TASP1: variants seen among roughly 807,000 people sequenced by gnomAD.
TASP1 encodes taspase 1, also known as threonine aspartase 1.
In TASP1, 16 loss-of-function variants were observed where a neutral mutation model predicts 56.6. The ratio of observed to expected loss-of-function variants is 0.28; its 90% CI spans 0.19 to 0.43. TASP1 has a LOEUF of 0.43. Among genes scored for constraint, TASP1 ranks in the 20% least tolerant of loss-of-function variants. TASP1 has a pLI of 1.00. For synonymous variants in TASP1, 179 were observed against 184.2 expected (o/e 0.97, Z 0.23); for missense variants, 393 against 511.6 (o/e 0.77, Z 2.24).
chr20:13,197,758 A>G, the TASP1 span, among the ~76,000 whole-genome samples: 2 of 152,182 alleles, frequency 1.3e-5, no homozygotes, highest in Non-Finnish European at 2.9e-5. Flanking sequence ...TTTATATTCA[A>G]GGAACAGAGA....
At chr20:13,182,009 T>G in the TASP1 span, among the ~76,000 whole-genome samples, 93,384 of 151,938 alleles carry the variant, frequency 0.61, 28,994 homozygotes, top group South Asian at 0.69. Context: ...GCAAAGAGAT[T>G]AATTCAAGCT....
chr20:13,287,054 C>G, the TASP1 span, among the ~76,000 whole-genome samples: 1 of 151,162 alleles, frequency 6.6e-6, no homozygotes, highest in Non-Finnish European at 1.5e-5. Context: ...ACCCAGTGAC[C>G]TTGAACCAGG....
the TASP1 span, among the ~76,000 whole-genome samples, chr20:13,233,260 T>C: frequency 1.3e-5 from 2 of 152,098 alleles, no homozygotes; most frequent in Non-Finnish European, 2.9e-5. Flanking sequence ...AGTTTATTGC[T>C]GGGAATCTTC....
intron 4 of TASP1, among the ~76,000 whole-genome samples, chr20:13,600,920 C>G (rs2047933546): frequency 6.6e-6 from 1 of 152,072 alleles, no homozygotes; most frequent in African/African-American, 2.4e-5. Flanking sequence ...TACTATTCTC[C>G]AATAAGGTAA....
the TASP1 span, among the ~76,000 whole-genome samples, chr20:13,240,374 A>G: frequency 3.3e-5 from 5 of 152,198 alleles, no homozygotes; most frequent in African/African-American, 1.2e-4. Context: ...TCAAGGAAGG[A>G]CTTGATGGAA....
At chr20:13,136,479 G>T in the TASP1 span, among the ~76,000 whole-genome samples, 2 of 151,388 alleles carry the variant, frequency 1.3e-5, no homozygotes, top group African/African-American at 4.9e-5. Context: ...AGACACCTGT[G>T]GTCCCAGCTA....
intron 13 of TASP1, among the ~76,000 whole-genome samples, chr20:13,406,275 G>A (rs759783483): frequency 1.3e-5 from 2 of 152,112 alleles, no homozygotes; most frequent in Admixed American, 6.5e-5. Context: ...GGAAAGAATG[G>A]CTATCTTACT....
At chr20:13,288,615 G>C in the TASP1 span, 4 of 1,613,994 alleles carry the variant, frequency 2.5e-6, no homozygotes, top group Non-Finnish European at 3.4e-6. Context: ...AACCAGAAAC[G>C]GACCCGGTCT....
the TASP1 span, among the ~76,000 whole-genome samples, chr20:13,291,726 G>A: frequency 6.6e-6 from 1 of 152,198 alleles, no homozygotes; most frequent in Non-Finnish European, 1.5e-5. Context: ...AATGCTAAGT[G>A]TCCTAGAATA....
At chr20:13,175,548 C>A in the TASP1 span, among the ~76,000 whole-genome samples, 1 of 152,052 alleles carries the variant, frequency 6.6e-6, no homozygotes, top group Non-Finnish European at 1.5e-5. Flanking sequence ...CACCCAAAGG[C>A]ATAGAGCAAT....
At chr20:13,399,982 C>T (rs1171041188) in intron 13 of TASP1, among the ~76,000 whole-genome samples, 1 of 152,220 alleles carries the variant, frequency 6.6e-6, no homozygotes, top group African/African-American at 2.4e-5. Context: ...CATAAATCCT[C>T]CAAGACTTTA....
At chr20:13,534,245 A>C (rs2045331653) in intron 8 of TASP1, 104 bp from the exon 9 acceptor site, 2 of 1,337,088 alleles carry the variant, frequency 1.5e-6, no homozygotes, top group Non-Finnish European at 2.0e-6. Flanking sequence ...CAAAATCTAA[A>C]CTAATCCCTA....
the TASP1 span, among the ~76,000 whole-genome samples, chr20:13,136,567 T>C: frequency 6.6e-6 from 1 of 150,498 alleles, no homozygotes; most frequent in African/African-American, 2.4e-5. Flanking sequence ...ACCACTGCAC[T>C]CCAGCCTGGG....
In TASP1 at chr20:13,390,009, T is replaced by C. The variant is rs2041212932; in HGVS notation, c.*351A>G. The C allele has an allele frequency of 5.1e-6, 1 of 196,298 alleles. No individual in the cohort carries two copies. The highest frequency in any genetic ancestry group is 1.1e-5 in the Non-Finnish European group (1 of 94,490). 12.2% of individuals were successfully genotyped at this position (196,298 alleles called of 1,614,324 possible). A position where few individuals can be genotyped will look rare whatever the true frequency, so the allele number is the denominator to read the frequency against. On this transcript the variant is annotated 3_prime_UTR_variant, in exon 14 of 14. Transcript: ENST00000337743. ...AAATAAAAAATGTTTCCTGCAACTTTAGGTTTTACTTGTAAACAGTTAAAG... is the reference window on the plus strand; with the variant it reads ...AAATAAAAAATGTTTCCTGCAACTTCAGGTTTTACTTGTAAACAGTTAAAG...
At chr20:13,481,271 C>G (rs1250258153) in intron 11 of TASP1, among the ~76,000 whole-genome samples, 1 of 152,050 alleles carries the variant, frequency 6.6e-6, no homozygotes, top group Non-Finnish European at 1.5e-5. Flanking sequence ...TTTTTTATGT[C>G]TGCATAGTAC....
chr20:13,322,501 G>A, the TASP1 span, among the ~76,000 whole-genome samples: 7 of 152,142 alleles, frequency 4.6e-5, no homozygotes, highest in South Asian at 2.1e-4. Flanking sequence ...TGGACCAGAC[G>A]AGGTCCATAT....
At chr20:13,529,284 T>C (rs1411216936) in intron 9 of TASP1, among the ~76,000 whole-genome samples, 3 of 152,204 alleles carry the variant, frequency 2.0e-5, no homozygotes, top group Non-Finnish European at 4.4e-5. Flanking sequence ...TCCTATTTTG[T>C]TTTTAATAAT....
rs1025572643 is a variant in TASP1 at position 13,389,421 on chromosome 20, TGAGAA to T, written c.*934_*938del. 1.2e-4 allele frequency: 18 copies of T among 152,368 alleles called. No individual in the cohort carries two copies. Among genetic ancestry groups the T allele is most frequent in the African/African-American group, 3.8e-4 (16 of 41,580 alleles). 9.4% of individuals were successfully genotyped at this position (152,368 alleles called of 1,614,324 possible). On this transcript the variant is annotated 3_prime_UTR_variant, in exon 14 of 14. Transcript: ENST00000337743. Reference sequence around the variant, plus strand: ...GGATTCAAAAGATAATTTATTAGTCTGAGAAGAGGAGTCACATACTATACCCAGTA... The same window carrying T: ...GGATTCAAAAGATAATTTATTAGTCTGAGGAGTCACATACTATACCCAGTA...
At chr20:13,365,100 TA>T in the TASP1 span, among the ~76,000 whole-genome samples, 1 of 152,250 alleles carries the variant, frequency 6.6e-6, no homozygotes, top group Non-Finnish European at 1.5e-5. Context: ...CTTATTTTCA[TA>T]TAATGTTTGG....
Sources: gnomAD v4.1 joint callset for allele counts (sites outside exome capture counted in the v4.1 genomes callset) on GRCh38, gnomAD v4.1.1 for gene constraint, MANE v1.5 for transcripts, NCBI Gene and HGNC (gene_info 2026-07-23, HGNC 2026-07-21) for gene names.